Variants in EPPK1 observed in about 807,000 individuals in gnomAD.
EPPK1 encodes the protein epiplakin 1, also known as epiplakin.
For missense variants in EPPK1, 3,823 were observed against 3,673.3 expected (o/e 1.04, Z -1.05); for synonymous variants, 1,862 against 1,721.2 (o/e 1.08, Z -2.03).
At position 143,866,791 on chromosome 8, in the gene EPPK1, C is replaced by G. The variant is rs148527079; in HGVS notation, c.6463G>C (p.Ala2155Pro). The change falls in exon 2 of 2, where the codon GCG becomes CCG. Residue 2155 changes from alanine to proline, a missense_variant. Transcript: ENST00000615648. ...TCGATCAACTCTAAGATGAGCTGCG[C>G]TACCGTCTGCAGTGCCCGTCTGGTG... ...THTRRALQTV[A>P]QLILELIEKQ... is the part of the protein sequence containing the mutation. 5.0e-6 allele frequency: 8 copies of G among 1,613,362 alleles called. No homozygotes were observed. Among genetic ancestry groups the G allele is most frequent in the Non-Finnish European group, 6.8e-6 (8 of 1,179,874 alleles).
chr8:143,875,065 C>T (rs1055609840), intron 1 of EPPK1, among the ~76,000 whole-genome samples: 10 of 152,174 alleles, frequency 6.6e-5, no homozygotes, highest in African/African-American at 2.4e-4. Context: ...ACCCTCAGCT[C>T]CCCAAATCTG....
Position 143,872,382 on chromosome 8 carries a change from A to G in EPPK1, c.872T>C (p.Val291Ala), listed in dbSNP as rs1554661547. Reference sequence around the variant, plus strand: ...CTTCTTGTGGCCTTCGGGCAGCAGGACAACCCCGGCCACGCTGCCGGTACC... The same window carrying G: ...CTTCTTGTGGCCTTCGGGCAGCAGGGCAACCCCGGCCACGCTGCCGGTACC... ...LEGTGSVAGV[V>A]LLPEGHKKSF... The change falls in exon 2 of 2, where the codon GTC becomes GCC. Residue 291 changes from valine to alanine, a missense_variant. Physicochemically the swap from Val to Ala is moderately conservative, Grantham distance 64. Transcript: ENST00000615648. The G allele has an allele frequency of 6.2e-7, 1 of 1,604,044 alleles. No homozygotes were observed. The highest frequency in any genetic ancestry group is 1.3e-5 in the African/African-American group (1 of 75,028).
At position 143,871,077 on chromosome 8, in the gene EPPK1, G is replaced by C. The variant is rs782045792; in HGVS notation, c.2177C>G (p.Thr726Arg). Residue 726 changes from threonine (T) to arginine (R), a missense_variant, in exon 2 of 2, where the codon ACG becomes AGG. Physicochemically the swap from Thr to Arg is moderately conservative, Grantham distance 71. Transcript: ENST00000615648. Reference protein sequence around the residue: ...GIRLLEAQIATGGVIDPVHSH... With the variant: ...GIRLLEAQIARGGVIDPVHSH... ...GTGCACGGGGTCGATGACGCCGCCC[G>C]TGGCGATCTGGGCCTCCAGCAGGCG... is the stretch of plus-strand genomic sequence containing the variant. 1.9e-6 allele frequency: 3 copies of C among 1,612,858 alleles called. No homozygotes were observed. The highest frequency in any genetic ancestry group is 2.5e-6 in the Non-Finnish European group (3 of 1,179,970).
At position 143,857,609 on chromosome 8, in the gene EPPK1, G is replaced by A. The variant is rs140217077; in HGVS notation, c.*378C>T. The A allele has an allele frequency of 4.9e-4, 109 of 222,016 alleles. 1 individual carries two copies. In the East Asian group the frequency reaches 9.7e-3, roughly 20 times the overall value. The allele number at this position is 222,016 out of a possible 1,614,324, so 13.8% of individuals were successfully genotyped here. On this transcript the variant is annotated 3_prime_UTR_variant, in exon 2 of 2. Transcript: ENST00000615648. ...CACATCGTTAGGGAAATAACCGCAT[G>A]TAATAAAAATTACACTGCAACAAGA... is the stretch of plus-strand genomic sequence containing the variant.
Position 143,868,872 on chromosome 8 carries a change from C to G in EPPK1, c.4382G>C (p.Arg1461Thr), listed in dbSNP as rs1554660125. The change falls in exon 2 of 2, where the codon AGG (arginine) becomes ACG (threonine). Residue 1461 changes from arginine to threonine, a missense_variant. Coordinates refer to ENST00000615648, the MANE Select transcript of EPPK1 (RefSeq NM_031308.4). ...GAGTGACACGCTACACCCCTTAAAC[C>G]TCCCTGTGCTGACGGGCACCTTCAT... ...RAMKVPVSTGRFKGCSVSLWD... is the reference protein window; with the variant it reads ...RAMKVPVSTGTFKGCSVSLWD... The G allele has an allele frequency of 6.2e-7, 1 of 1,610,518 alleles. No homozygotes were observed. Among genetic ancestry groups the G allele is most frequent in the East Asian group, 2.2e-5 (1 of 44,876 alleles).
In EPPK1 at chr8:143,871,523, G is replaced by T. The variant is rs1240681584; in HGVS notation, c.1731C>A (p.Ile577=). The T allele has an allele frequency of 6.2e-7, 1 of 1,609,944 alleles. No homozygotes were observed. The highest frequency in any genetic ancestry group is 8.5e-7 in the Non-Finnish European group (1 of 1,178,914). The change falls in exon 2 of 2, where the codon ATC becomes ATA. Residue 577 remains isoleucine (I), a synonymous_variant. Transcript: ENST00000615648. ...VTPGELLKAE[I]IDQDLYERLE... is the part of the protein sequence containing the mutation. ...GCCGCTCGTACAGGTCCTGGTCGAT[G>T]ATCTCGGCTTTCAGCAGCTCTCCTG...
chr8:143,870,826 T>C lies in EPPK1; in HGVS notation c.2428A>G (p.Thr810Ala), dbSNP rs782410486. The change falls in exon 2 of 2, where the codon ACC becomes GCC. Residue 810 changes from threonine to alanine, a missense_variant. By Grantham distance (58) the Thr-to-Ala change is moderately conservative. Transcript: ENST00000615648. This position sits in a 1 kb window ranked among gnomAD's most constrained non-coding sequence, Gnocchi z 5.2. ...STQSPLVDSA[T>A]QQAFQNLLLS... ...AGCAGGTTCTGGAAGGCCTGCTGGGTGGCACTGTCCACCAGCGGGGACTGC... is the reference window on the plus strand; with the variant it reads ...AGCAGGTTCTGGAAGGCCTGCTGGGCGGCACTGTCCACCAGCGGGGACTGC... The C allele has an allele frequency of 1.2e-6, 2 of 1,612,642 alleles. No homozygotes were observed. The highest frequency in any genetic ancestry group is 3.3e-5 in the Admixed American group (2 of 60,006).
At position 143,871,769 on chromosome 8, in the gene EPPK1, T is replaced by C. The variant is rs782522394; in HGVS notation, c.1485A>G (p.Thr495=). The C allele has an allele frequency of 6.2e-7, 1 of 1,610,876 alleles. No homozygotes were observed. The highest frequency in any genetic ancestry group is 1.3e-5 in the African/African-American group (1 of 75,022). Residue 495 remains threonine, a synonymous_variant, in exon 2 of 2, where the codon ACA becomes ACG. Coordinates refer to ENST00000615648, the MANE Select transcript of EPPK1 (RefSeq NM_031308.4). The part of the protein sequence containing the change: ...YSTRQALSTA[T]ATVSVGKFRG... ...GGAACTTCCCCACAGAGACGGTGGC[T>C]GTGGCCGTGCTCAGGGCCTGCCGAG...
chr8:143,878,903 G>A (rs1234588583), upstream of EPPK1, among the ~76,000 whole-genome samples: 2 of 152,056 alleles, frequency 1.3e-5, no homozygotes, highest in Non-Finnish European at 2.9e-5. Flanking sequence ...CTGGGTCCAG[G>A]GGTCTTCAAG....
chr8:143,857,641 G>C lies in EPPK1; in HGVS notation c.*346C>G, dbSNP rs1459042622. ...AAATTACACTGCAACAAGAGTACCCGATGGCATGATGGACTGAGAGTCTAA... is the reference window on the plus strand; with the variant it reads ...AAATTACACTGCAACAAGAGTACCCCATGGCATGATGGACTGAGAGTCTAA... On this transcript the variant is annotated 3_prime_UTR_variant, in exon 2 of 2. Transcript: ENST00000615648. The C allele has an allele frequency of 3.5e-6, 1 of 287,674 alleles. No homozygotes were observed. The highest frequency in any genetic ancestry group is 1.3e-4 in the South Asian group (1 of 7,664). 17.8% of individuals were successfully genotyped at this position (287,674 alleles called of 1,614,324 possible). A position where few individuals can be genotyped will look rare whatever the true frequency, so the allele number is the denominator to read the frequency against.
rs1304675139 is a variant in EPPK1, at chr8:143,858,077, C to A, written c.15177G>T (p.Thr5059=). 1 of 1,613,454 alleles carries A rather than the reference C, an allele frequency of 6.2e-7. No individual in the cohort carries two copies. Residue 5059 remains threonine (T), a synonymous_variant, in exon 2 of 2, where the codon ACG becomes ACT. Transcript: ENST00000615648. ...DDTKGFFDPN[T]HENLTYLQLL... ...GCTGCAGGTACGTGAGGTTCTCGTG[C>A]GTGTTGGGGTCGAAGAAGCCCTTGG...
rs201587092 is a variant in EPPK1 at position 143,867,037 on chromosome 8, G to A, written c.6217C>T (p.Arg2073Cys). 369 of 1,612,686 alleles carry A rather than the reference G, an allele frequency of 2.3e-4. 1 individual carries two copies. Among genetic ancestry groups the A allele is most frequent in the African/African-American group, 1.1e-4 (8 of 74,908 alleles). ...VSYRELQERC[R>C]PQEDTGWLLF... is the part of the protein sequence containing the mutation. ...AGCCAGCCCGTGTCCTCTTGTGGGC[G>A]GCACCTCTCCTGCAGCTCTCGGTAC... The change falls in exon 2 of 2, where the codon CGC becomes TGC. Residue 2073 changes from arginine to cysteine, a missense_variant. Physicochemically the swap from Arg to Cys is radical, Grantham distance 180. Coordinates refer to ENST00000615648, the MANE Select transcript of EPPK1 (RefSeq NM_031308.4).
chr8:143,872,465 C>A lies in EPPK1; in HGVS notation c.789G>T (p.Glu263Asp). The A allele has an allele frequency of 6.3e-7, 1 of 1,592,374 alleles. No homozygotes were observed. The highest frequency in any genetic ancestry group is 8.5e-7 in the Non-Finnish European group (1 of 1,175,216). ...TCACGTCCACTGCGGCCAGCCTGCCCTCCCGCAGACCCTGCACAGCCTGCT... is the reference window on the plus strand; with the variant it reads ...TCACGTCCACTGCGGCCAGCCTGCCATCCCGCAGACCCTGCACAGCCTGCT... ...LDEQAVQGLR[E>D]GRLAAVDVSA... is the part of the protein sequence containing the mutation. Residue 263 changes from glutamate (E) to aspartate (D), a missense_variant, in exon 2 of 2, where the codon GAG (glutamate) becomes GAT (aspartate). By Grantham distance (45) the Glu-to-Asp change is conservative. Transcript: ENST00000615648.
rs782745770 is a variant in EPPK1, at chr8:143,870,009, T to A, written c.3245A>T (p.Glu1082Val). Reference sequence around the variant, plus strand: ...CTGGCCGTCCGGTGTGGGGAAGGTTTCGGAGGAGCTGGACAAGGCTGTCTC... The same window carrying A: ...CTGGCCGTCCGGTGTGGGGAAGGTTACGGAGGAGCTGGACAAGGCTGTCTC... ...EMETALSSSS[E>V]TFPTPDGQGR... is the part of the protein sequence containing the mutation. Residue 1082 changes from glutamate to valine, a missense_variant, in exon 2 of 2, where the codon GAA becomes GTA. Glu to Val is a moderately radical substitution (Grantham distance 121). Coordinates refer to ENST00000615648, the MANE Select transcript of EPPK1 (RefSeq NM_031308.4). The surrounding 1 kb of genome is among the most constrained non-coding windows in gnomAD (Gnocchi z 5.2). 1 of 1,609,886 alleles carries A rather than the reference T, an allele frequency of 6.2e-7. No homozygotes were observed. Among genetic ancestry groups the A allele is most frequent in the Admixed American group, 1.7e-5 (1 of 59,644 alleles).
Position 143,869,055 on chromosome 8 carries a change from T to G in EPPK1, c.4199A>C (p.Asn1400Thr). Reference protein sequence around the residue: ...SQVLTAVDKDNKFFFDPSARD... With the variant: ...SQVLTAVDKDTKFFFDPSARD... Reference sequence around the variant, plus strand: ...CGCACTGGGGTCAAAGAAGAACTTGTTGTCCTTGTCAACTGCAGTCAGCAC... The same window carrying G: ...CGCACTGGGGTCAAAGAAGAACTTGGTGTCCTTGTCAACTGCAGTCAGCAC... Residue 1400 changes from asparagine to threonine, a missense_variant, in exon 2 of 2, where the codon AAC becomes ACC. Coordinates refer to ENST00000615648, the MANE Select transcript of EPPK1 (RefSeq NM_031308.4). The G allele has an allele frequency of 1.2e-6, 2 of 1,608,560 alleles. No homozygotes were observed. The highest frequency in any genetic ancestry group is 1.7e-6 in the Non-Finnish European group (2 of 1,179,226).
At position 143,871,871 on chromosome 8, in the gene EPPK1, G is replaced by A. The variant is rs782407464; in HGVS notation, c.1383C>T (p.Thr461=). ...LLALCVTDPE[T]GLAFLPLSGG... is the part of the protein sequence containing the mutation. ...CTGAGAGTGGCAGGAAGGCAAGCCC[G>A]GTCTCTGGGTCGGTGACACAGAGGG... The change falls in exon 2 of 2, where the codon ACC becomes ACT. Residue 461 remains threonine, a synonymous_variant. Coordinates refer to ENST00000615648, the MANE Select transcript of EPPK1 (RefSeq NM_031308.4). 83 of 1,610,412 alleles carry A rather than the reference G, an allele frequency of 5.2e-5. No individual in the cohort carries two copies. The highest frequency in any genetic ancestry group is 3.3e-4 in the Middle Eastern group (2 of 6,026).
In EPPK1 at chr8:143,867,604, T is replaced by C. The variant is rs1554659525; in HGVS notation, c.5650A>G (p.Ser1884Gly). ...RVGRTGGQAL[S>G]TLECVKPYLE... Reference sequence around the variant, plus strand: ...TAGGGCTTCACACACTCCAGCGTGCTGAGTGCCTGTCCCCCAGTCCTCCCC... The same window carrying C: ...TAGGGCTTCACACACTCCAGCGTGCCGAGTGCCTGTCCCCCAGTCCTCCCC... The change falls in exon 2 of 2, where the codon AGC (serine) becomes GGC (glycine). Residue 1884 changes from serine to glycine, a missense_variant. By Grantham distance (56) the Ser-to-Gly change is moderately conservative. Coordinates refer to ENST00000615648, the MANE Select transcript of EPPK1 (RefSeq NM_031308.4). 6.2e-7 allele frequency: 1 copy of C among 1,613,096 alleles called. No homozygotes were observed. The highest frequency in any genetic ancestry group is 1.3e-5 in the African/African-American group (1 of 74,936).
intron 1 of EPPK1, among the ~76,000 whole-genome samples, chr8:143,876,100 G>C (rs1554662269): frequency 6.6e-6 from 1 of 152,234 alleles, no homozygotes; most frequent in Non-Finnish European, 1.5e-5. Context: ...GCTGCTCCCA[G>C]GCCCATCATG....
Position 143,868,531 on chromosome 8 carries a change from C to T in EPPK1, c.4723G>A (p.Gly1575Arg), listed in dbSNP as rs782114813. The T allele has an allele frequency of 2.1e-5, 34 of 1,606,210 alleles. No homozygotes were observed. The highest frequency in any genetic ancestry group is 3.3e-5 in the South Asian group (3 of 90,200). Residue 1575 changes from glycine (G) to arginine (R), a missense_variant, in exon 2 of 2, where the codon GGG becomes AGG. Physicochemically the swap from Gly to Arg is moderately radical, Grantham distance 125. Coordinates refer to ENST00000615648, the MANE Select transcript of EPPK1 (RefSeq NM_031308.4). ...RSLEGGNFIA[G>R]VLIQGTQERM... ...TCCTGGGTGCCCTGGATAAGGACCC[C>T]GGCAATGAAGTTGCCTCCCTCCAGG... is the stretch of plus-strand genomic sequence containing the variant.
Sources: gnomAD v4.1 joint callset for allele counts (sites outside exome capture counted in the v4.1 genomes callset) on GRCh38, gnomAD v4.1.1 for gene constraint, Gnocchi (gnomAD v3.1) non-coding constraint, MANE v1.5 for transcripts, NCBI Gene and HGNC (gene_info 2026-07-23, HGNC 2026-07-21) for gene names.